The following PPP1R12B variants were observed in gnomAD, a reference collection of about 807,000 sequenced individuals.
PPP1R12B encodes the protein protein phosphatase 1 regulatory subunit 12B.
Under a neutral mutation model 126.1 loss-of-function variants are expected in PPP1R12B, and 76 were observed. The observed-to-expected ratio is 0.60, with a 90% CI of 0.50 to 0.73. The LOEUF (loss-of-function observed/expected upper bound fraction) is 0.73, where lower values mean the gene tolerates loss of function less well. Among genes scored for constraint, PPP1R12B ranks in the 30% least tolerant of loss-of-function variants. The pLI is 0.00. For synonymous variants in PPP1R12B, 356 were observed against 434.7 expected, an observed-to-expected ratio of 0.82 and a Z score of 2.25; for missense variants, 1,052 against 1,205.1, an observed-to-expected ratio of 0.87 and a Z score of 1.88.
intron 18 of PPP1R12B, among the ~76,000 whole-genome samples, chr1:202,526,076 G>T (rs1683315189): frequency 6.6e-6 from 1 of 152,228 alleles, no homozygotes; most frequent in Admixed American, 6.5e-5. Context: ...AAAAGATGAT[G>T]TGGGAGGAAG....
intron 18 of PPP1R12B, among the ~76,000 whole-genome samples, chr1:202,530,517 A>G (rs1683822836): frequency 6.6e-6 from 1 of 152,222 alleles, no homozygotes; most frequent in Admixed American, 6.5e-5. Flanking sequence ...CTCTTGAACC[A>G]ATTCTAGGAC....
intron 18 of PPP1R12B, among the ~76,000 whole-genome samples, chr1:202,510,896 T>C (rs1440687609): frequency 6.8e-6 from 1 of 146,760 alleles, no homozygotes; most frequent in Non-Finnish European, 1.5e-5. Context: ...ATATTTATAC[T>C]AATATAATAT....
intron 8 of PPP1R12B, among the ~76,000 whole-genome samples, chr1:202,434,361 C>T (rs879586035): frequency 1.3e-5 from 2 of 151,930 alleles, no homozygotes; most frequent in Non-Finnish European, 2.9e-5. Flanking sequence ...GATGAGATCC[C>T]CAAAGGACAG....
rs1490360160 is a variant in PPP1R12B at position 202,569,055 on chromosome 1, G to A, written c.2812-92G>A. 1.0e-5 allele frequency: 14 copies of A among 1,398,592 alleles called. No homozygotes were observed. In the East Asian group the frequency reaches 1.6e-4, roughly 16 times the overall value. 86.6% of individuals were successfully genotyped at this position (1,398,592 alleles called of 1,614,324 possible). On this transcript the variant is annotated intron_variant, in intron 22 of 23. Coordinates refer to ENST00000608999, the MANE Select transcript of PPP1R12B (RefSeq NM_002481.4). ...TGAGTCAGCAGACAAACCTTTGACC[G>A]TGAATCTGCTGATCACACAGCAGCT...
At chr1:202,404,351 C>G (rs895716664) in intron 1 of PPP1R12B, among the ~76,000 whole-genome samples, 10 of 152,030 alleles carry the variant, frequency 6.6e-5, no homozygotes, top group Admixed American at 6.6e-4. Context: ...ATAGAATTCT[C>G]ACTATTCCAA....
chr1:202,389,637 G>A (rs1328479011), intron 1 of PPP1R12B, among the ~76,000 whole-genome samples: 2 of 146,930 alleles, frequency 1.4e-5, no homozygotes, highest in African/African-American at 5.1e-5. Context: ...ATAAACATAT[G>A]AGATAATATC....
At chr1:202,478,675 G>A (rs1676985174) in intron 13 of PPP1R12B, among the ~76,000 whole-genome samples, 1 of 152,048 alleles carries the variant, frequency 6.6e-6, no homozygotes, top group South Asian at 2.1e-4. Context: ...CTTATATGCA[G>A]TAAAATAAAA....
At chr1:202,358,410 C>T (rs773574913) in intron 1 of PPP1R12B, among the ~76,000 whole-genome samples, 11 of 152,138 alleles carry the variant, frequency 7.2e-5, no homozygotes, top group African/African-American at 9.7e-5. Flanking sequence ...TGCCCAGGCG[C>T]GGTGGCTCAC....
intron 17 of PPP1R12B, among the ~76,000 whole-genome samples, chr1:202,496,493 T>C (rs1172082308): frequency 6.6e-6 from 1 of 152,276 alleles, no homozygotes; most frequent in Non-Finnish European, 1.5e-5. Context: ...AATTGACTGA[T>C]AAGTATTGAC....
chr1:202,461,193 TAA>T (rs992206751), intron 13 of PPP1R12B, among the ~76,000 whole-genome samples: 22 of 137,322 alleles, frequency 1.6e-4, no homozygotes, highest in Non-Finnish European at 1.4e-4. Context: ...CCCATCTCTT[TAA>T]AAAAAAAAAA....
chr1:202,483,622 A>G (rs1449070883), intron 13 of PPP1R12B, among the ~76,000 whole-genome samples: 1 of 152,172 alleles, frequency 6.6e-6, no homozygotes, highest in Non-Finnish European at 1.5e-5. Context: ...GAAGAGAACC[A>G]GGAAGTTAAG....
At chr1:202,520,025 TTTCA>T (rs1682608408) in intron 18 of PPP1R12B, among the ~76,000 whole-genome samples, 2 of 152,236 alleles carry the variant, frequency 1.3e-5, no homozygotes, top group Admixed American at 1.3e-4. Flanking sequence ...CTGGTGATTC[TTTCA>T]TTTGATTTGA....
At chr1:202,395,488 G>A (rs529458922) in intron 1 of PPP1R12B, among the ~76,000 whole-genome samples, 1 of 152,034 alleles carries the variant, frequency 6.6e-6, no homozygotes, top group South Asian at 2.1e-4. Context: ...CATTCACTTG[G>A]GTGACTGTTC....
chr1:202,542,536 A>G (rs1469826891), intron 18 of PPP1R12B, among the ~76,000 whole-genome samples: 1 of 152,246 alleles, frequency 6.6e-6, no homozygotes, highest in Non-Finnish European at 1.5e-5. Context: ...CAAAGATGAC[A>G]GTTAAAAGCT....
At chr1:202,546,146 C>T (rs538917153) in intron 18 of PPP1R12B, among the ~76,000 whole-genome samples, 2 of 152,064 alleles carry the variant, frequency 1.3e-5, no homozygotes, top group African/African-American at 4.8e-5. Context: ...ATGTTAAGGG[C>T]CTAGGCAGAG....
At chr1:202,488,671 G>T (rs762170970) in intron 14 of PPP1R12B, 48 bp downstream of exon 14, 1 of 1,443,886 alleles carries the variant, frequency 6.9e-7, no homozygotes, top group Non-Finnish European at 9.6e-7. Context: ...CTACCCTTCT[G>T]TTGGAGGTAC....
chr1:202,551,804 T>C (rs1334437159), intron 18 of PPP1R12B, among the ~76,000 whole-genome samples: 1 of 152,100 alleles, frequency 6.6e-6, no homozygotes, highest in Non-Finnish European at 1.5e-5. Context: ...TCAATGCTGG[T>C]TTGAAAATCA....
chr1:202,547,416 C>T (rs950257255), intron 18 of PPP1R12B, among the ~76,000 whole-genome samples: 3 of 152,180 alleles, frequency 2.0e-5, no homozygotes, highest in Admixed American at 2.0e-4. Context: ...CAAAATCCAA[C>T]AGCTTTCTTT....
chr1:202,535,395 G>A (rs1160071728), intron 18 of PPP1R12B, among the ~76,000 whole-genome samples: 1 of 151,260 alleles, frequency 6.6e-6, no homozygotes, highest in Non-Finnish European at 1.5e-5. Context: ...TACTCAACTG[G>A]TTCATTAATT....
Sources: gnomAD v4.1 joint callset for allele counts (sites outside exome capture counted in the v4.1 genomes callset) on GRCh38, gnomAD v4.1.1 for gene constraint, MANE v1.5 for transcripts, NCBI Gene and HGNC (gene_info 2026-07-23, HGNC 2026-07-21) for gene names.